EXOC4: variants seen among roughly 807,000 people sequenced by gnomAD.
EXOC4 encodes the protein SEC8-like 1.
A neutral mutation model predicts 107.2 loss-of-function variants in EXOC4; 71 were observed. The observed-to-expected ratio is 0.66, with a 90% CI of 0.55 to 0.81. The LOEUF is 0.81. Among genes scored for constraint, EXOC4 ranks in the 30% least tolerant of loss-of-function variants. EXOC4 has a pLI of 0.00. For missense variants in EXOC4, 1,108 were observed against 1,189.6 expected (o/e 0.93, Z 1.01); for synonymous variants, 456 against 441.2 (o/e 1.03, Z -0.42).
At chr7:133,687,781 T>C (rs981214070) in intron 10 of EXOC4, among the ~76,000 whole-genome samples, 1 of 152,180 alleles carries the variant, frequency 6.6e-6, no homozygotes, top group African/African-American at 2.4e-5. Context: ...TAACTAGTTA[T>C]ATTCTTCAAT....
chr7:133,618,912 T>C (rs1802259945), intron 9 of EXOC4, among the ~76,000 whole-genome samples: 1 of 152,126 alleles, frequency 6.6e-6, no homozygotes, highest in Non-Finnish European at 1.5e-5. Context: ...ACAGGAAAAA[T>C]GCCTCTAGCA....
At chr7:133,793,853 A>G (rs375335338) in intron 10 of EXOC4, among the ~76,000 whole-genome samples, 2 of 6,362 alleles carry the variant, frequency 3.1e-4, no homozygotes, top group African/African-American at 3.4e-4. Flanking sequence ...ACACACAAAA[A>G]ATAAATAAAA....
chr7:133,336,120 A>C (rs192564307), intron 5 of EXOC4, among the ~76,000 whole-genome samples: 2 of 152,196 alleles, frequency 1.3e-5, no homozygotes, highest in Admixed American at 6.5e-5. Flanking sequence ...ATTTTCAAAT[A>C]TTTTCTTCCA....
At chr7:133,904,908 AC>A in intron 12 of EXOC4, among the ~76,000 whole-genome samples, 1 of 152,250 alleles carries the variant, frequency 6.6e-6, no homozygotes, top group East Asian at 1.9e-4. Context: ...CCAGATTGGC[AC>A]CTGCTGAGGA....
intron 17 of EXOC4, among the ~76,000 whole-genome samples, chr7:134,008,384 C>T (rs375930173): frequency 6.6e-6 from 1 of 152,070 alleles, no homozygotes; most frequent in Non-Finnish European, 1.5e-5. Context: ...TCCTTGAAAA[C>T]GTTACTTTTA....
chr7:133,636,075 G>A lies in EXOC4; in HGVS notation c.1514+5934G>A, dbSNP rs546178620. ...ACTAAAAGTGAAGTGTTGGGGCTGG[G>A]TAGAAATGAACACATTCTAAGTTTT... On this transcript the variant is annotated intron_variant, in intron 10 of 17. Transcript: ENST00000253861. Among the ~76,000 whole-genome samples the A allele has an allele frequency of 5.3e-5, 8 of 152,298 alleles. No individual in the cohort carries two copies. The South Asian group carries it at 1.5e-3, about 28-fold the overall frequency.
intron 11 of EXOC4, among the ~76,000 whole-genome samples, chr7:133,871,417 C>T (rs1221876686): frequency 6.6e-6 from 1 of 152,008 alleles, no homozygotes; most frequent in Non-Finnish European, 1.5e-5. Flanking sequence ...TCTGTTCCTG[C>T]CAGTCATGAG....
chr7:133,482,713 G>A (rs1046543002), intron 9 of EXOC4, among the ~76,000 whole-genome samples: 1 of 152,140 alleles, frequency 6.6e-6, no homozygotes, highest in Admixed American at 6.5e-5. Flanking sequence ...ACTCCATGAG[G>A]TGGTTATGAA....
At chr7:133,424,803 A>C (rs966770843) in intron 7 of EXOC4, among the ~76,000 whole-genome samples, 5 of 152,236 alleles carry the variant, frequency 3.3e-5, no homozygotes, top group African/African-American at 1.2e-4. Context: ...CTCAGAGAGA[A>C]GCTAAACTTA....
chr7:133,535,378 C>T (rs993989978), intron 9 of EXOC4, among the ~76,000 whole-genome samples: 6 of 152,170 alleles, frequency 3.9e-5, no homozygotes, highest in African/African-American at 1.4e-4. Context: ...ATGTGGCTAA[C>T]ATGATGCTAG....
At chr7:133,451,587 A>G (rs941285714) in intron 7 of EXOC4, among the ~76,000 whole-genome samples, 3 of 151,942 alleles carry the variant, frequency 2.0e-5, no homozygotes, top group East Asian at 3.9e-4. Flanking sequence ...AAAATTTTTT[A>G]CTTTCTCTTC....
chr7:133,748,094 C>T (rs994839573), intron 10 of EXOC4, among the ~76,000 whole-genome samples: 2 of 152,102 alleles, frequency 1.3e-5, no homozygotes, highest in Admixed American at 6.6e-5. Flanking sequence ...GCTAGACCAG[C>T]CCTATTTGCA....
chr7:134,084,728 A>AAAAAAAGT, the EXOC4 span, among the ~76,000 whole-genome samples: 1 of 112,302 alleles, frequency 8.9e-6, no homozygotes, highest in Non-Finnish European at 1.8e-5. Flanking sequence ...AAAAAAAAAA[A>AAAAAAAGT]AATTCACCAA....
At chr7:133,800,916 A>G (rs1585155276) in intron 10 of EXOC4, among the ~76,000 whole-genome samples, 1 of 152,206 alleles carries the variant, frequency 6.6e-6, no homozygotes, top group South Asian at 2.1e-4. Flanking sequence ...TACATAAATT[A>G]TCTTAGGGAA....
chr7:133,908,253 T>C (rs1292900099), intron 12 of EXOC4, among the ~76,000 whole-genome samples: 1 of 152,248 alleles, frequency 6.6e-6, no homozygotes, highest in East Asian at 1.9e-4. Context: ...AGGGACTTTA[T>C]GGTCACAGCT....
intron 10 of EXOC4, among the ~76,000 whole-genome samples, chr7:133,665,877 C>T (rs1344291054): frequency 6.6e-6 from 1 of 152,154 alleles, no homozygotes; most frequent in Non-Finnish European, 1.5e-5. Flanking sequence ...ACAGAACTGA[C>T]TACAATTTTA....
intron 10 of EXOC4, among the ~76,000 whole-genome samples, chr7:133,650,454 ATACT>A (rs1202547588): frequency 6.6e-6 from 1 of 152,170 alleles, no homozygotes; most frequent in Non-Finnish European, 1.5e-5. Context: ...CCTTTTAAGA[ATACT>A]TAGTCAATTT....
chr7:133,780,511 T>C (rs983611935), intron 10 of EXOC4, among the ~76,000 whole-genome samples: 3 of 152,212 alleles, frequency 2.0e-5, no homozygotes, highest in Non-Finnish European at 4.4e-5. Context: ...CCTTTTTATA[T>C]TGATAGAGAC....
chr7:133,733,989 A>T (rs144157002), intron 10 of EXOC4, among the ~76,000 whole-genome samples: 105 of 152,376 alleles, frequency 6.9e-4, no homozygotes, highest in Middle Eastern at 6.8e-3. Context: ...TGCCTAAGTT[A>T]ACAACTTTTT....
Sources: gnomAD v4.1 joint callset for allele counts (sites outside exome capture counted in the v4.1 genomes callset) on GRCh38, gnomAD v4.1.1 for gene constraint, MANE v1.5 for transcripts, NCBI Gene and HGNC (gene_info 2026-07-23, HGNC 2026-07-21) for gene names.